PRSS23: variants seen among roughly 807,000 people sequenced by gnomAD.
PRSS23 encodes the protein serine protease 23.
PRSS23 carries 25 observed loss-of-function variants against 34.7 expected under a neutral mutation model. That is an observed-to-expected ratio of 0.72 (90% CI 0.53 to 1.01). The LOEUF is 1.01. Among genes scored for constraint, PRSS23 ranks in the 50% least tolerant of loss-of-function variants. The pLI, the probability that PRSS23 is intolerant of heterozygous loss-of-function variation, is 0.00. For synonymous variants in PRSS23, 176 were observed against 186.6 expected, an observed-to-expected ratio of 0.94 and a Z score of 0.46; for missense variants, 445 against 475.6, an observed-to-expected ratio of 0.94 and a Z score of 0.60.
At chr11:86,917,171 G>A (rs1949018703) in intron 2 of PRSS23, among the ~76,000 whole-genome samples, 2 of 152,076 alleles carry the variant, frequency 1.3e-5, no homozygotes, top group South Asian at 4.1e-4. Context: ...AATACAAAAT[G>A]ACCCAGGCGT....
At chr11:86,829,489 G>A (rs369736511) in intron 2 of PRSS23, among the ~76,000 whole-genome samples, 4 of 152,270 alleles carry the variant, frequency 2.6e-5, no homozygotes, top group South Asian at 4.1e-4. Flanking sequence ...CTCTCAACTC[G>A]TCAAAGTCAT....
intron 2 of PRSS23, among the ~76,000 whole-genome samples, chr11:86,938,066 C>A (rs1340541462): frequency 2.0e-5 from 3 of 152,194 alleles, no homozygotes; most frequent in African/African-American, 7.2e-5. Flanking sequence ...AGTTGCCCCA[C>A]TCCTAATTTG....
chr11:86,797,531 G>A (rs1419571479), upstream of PRSS23, among the ~76,000 whole-genome samples: 1 of 152,174 alleles, frequency 6.6e-6, no homozygotes, highest in Non-Finnish European at 1.5e-5. Flanking sequence ...GTGGGCGGTA[G>A]TCCCTGAGAC....
intron 2 of PRSS23, among the ~76,000 whole-genome samples, chr11:86,922,268 C>T (rs1226617964): frequency 6.6e-6 from 1 of 152,164 alleles, no homozygotes; most frequent in Non-Finnish European, 1.5e-5. Context: ...GAGATTGAGT[C>T]CCAGGTCTAC....
intron 2 of PRSS23, among the ~76,000 whole-genome samples, chr11:86,854,984 G>T (rs1190425116): frequency 6.6e-6 from 1 of 152,126 alleles, no homozygotes; most frequent in Non-Finnish European, 1.5e-5. Flanking sequence ...TGACCAACAG[G>T]GAGAAACCTC....
downstream of PRSS23, among the ~76,000 whole-genome samples, chr11:86,814,168 A>T (rs946160552): frequency 2.0e-5 from 3 of 152,242 alleles, no homozygotes; most frequent in Non-Finnish European, 4.4e-5. Context: ...CCAAATGCCA[A>T]TGTCAAATGA....
chr11:86,829,568 T>G lies in PRSS23; in HGVS notation c.206+5975T>G, dbSNP rs527269648. On this transcript the variant is annotated intron_variant, in intron 2 of 2. Transcript: ENST00000533902. ...CTTTGGAGGAGGAGAGGTGCTCTGCTTTTTAGAGTTTCCAGTTTTTCTGCT... is the reference window on the plus strand; with the variant it reads ...CTTTGGAGGAGGAGAGGTGCTCTGCGTTTTAGAGTTTCCAGTTTTTCTGCT... 1.2e-4 allele frequency among the ~76,000 whole-genome samples: 19 copies of G among 152,344 alleles called. 1 individual carries two copies. The South Asian group carries it at 3.7e-3, about 30-fold the overall frequency.
At chr11:86,825,289 T>A (rs918311259) in intron 2 of PRSS23, among the ~76,000 whole-genome samples, 9 of 151,956 alleles carry the variant, frequency 5.9e-5, no homozygotes, top group Admixed American at 5.9e-4. Context: ...TTTTGAGAAG[T>A]GTCTGTTCAT....
At chr11:86,818,633 C>T (rs892746702) in intron 1 of PRSS23, among the ~76,000 whole-genome samples, 1 of 152,218 alleles carries the variant, frequency 6.6e-6, no homozygotes, top group Non-Finnish European at 1.5e-5. Context: ...TCTTTGCCAA[C>T]TGGACTGACT....
chr11:86,817,084 C>T (rs1948219621), intron 1 of PRSS23, among the ~76,000 whole-genome samples: 1 of 152,094 alleles, frequency 6.6e-6, no homozygotes, highest in Admixed American at 6.6e-5. Context: ...TATATTTTTT[C>T]AAATGGCCTA....
intron 2 of PRSS23, chr11:86,857,155 G>A (rs1212102400): frequency 8.8e-6 from 3 of 341,902 alleles, no homozygotes; most frequent in South Asian, 3.3e-5. Context: ...GTTCAGCATG[G>A]GGATGACCAC....
chr11:86,906,009 C>CATTA (rs1169971171), intron 2 of PRSS23, among the ~76,000 whole-genome samples: 12 of 152,190 alleles, frequency 7.9e-5, no homozygotes, highest in Middle Eastern at 3.4e-3. Context: ...TTCACTCATT[C>CATTA]ATTCATTCAT....
intron 2 of PRSS23, among the ~76,000 whole-genome samples, chr11:86,925,418 G>A (rs767187440): frequency 5.9e-5 from 9 of 151,950 alleles, no homozygotes; most frequent in Non-Finnish European, 1.0e-4. Flanking sequence ...AGAAAATCAA[G>A]AGCCAGGAAA....
chr11:86,866,466 A>G (rs1399455652), intron 2 of PRSS23, among the ~76,000 whole-genome samples: 1 of 152,132 alleles, frequency 6.6e-6, no homozygotes, highest in East Asian at 1.9e-4. Flanking sequence ...AAGCAACATC[A>G]CCCTATGACT....
At chr11:86,940,709 T>C (rs1245588344) in intron 2 of PRSS23, 1 of 152,200 alleles carries the variant, frequency 6.6e-6, no homozygotes, top group Non-Finnish European at 1.5e-5. Flanking sequence ...AATCTCAGGC[T>C]CCAGTTACAC....
rs543599937 is a variant in PRSS23 at position 86,862,171 on chromosome 11, C to T, written c.206+38578C>T. On this transcript the variant is annotated intron_variant, in intron 2 of 2. Coordinates refer to the PRSS23 transcript ENST00000533902. ...TGTTATTCCTCGCAATATCTCAGTG[C>T]GTATACTCACTGGAATATTAGAAGT... 1.1e-3 allele frequency among the ~76,000 whole-genome samples: 170 copies of T among 151,940 alleles called. 1 individual carries two copies. The highest frequency in any genetic ancestry group is 4.0e-3 in the African/African-American group (165 of 41,392).
chr11:86,796,523 C>T (rs1021105373), upstream of PRSS23, among the ~76,000 whole-genome samples: 1 of 150,984 alleles, frequency 6.6e-6, no homozygotes, highest in Non-Finnish European at 1.5e-5. Flanking sequence ...CGCCTGTAGT[C>T]CCAGCTACTC....
intron 2 of PRSS23, among the ~76,000 whole-genome samples, chr11:86,893,846 G>A (rs1377566274): frequency 6.6e-6 from 1 of 152,138 alleles, no homozygotes; most frequent in East Asian, 1.9e-4. Context: ...ATTACTATCA[G>A]CTCAAAGGAG....
chr11:86,855,026 G>A (rs1377454624), intron 2 of PRSS23, among the ~76,000 whole-genome samples: 2 of 152,180 alleles, frequency 1.3e-5, no homozygotes, highest in Admixed American at 1.3e-4. Flanking sequence ...TTAGCTGGGT[G>A]TGGTGGCACA....
Sources: gnomAD v4.1 joint callset for allele counts (sites outside exome capture counted in the v4.1 genomes callset) on GRCh38, gnomAD v4.1.1 for gene constraint, MANE v1.5 for transcripts, NCBI Gene and HGNC (gene_info 2026-07-23, HGNC 2026-07-21) for gene names.